The following UTP6 variants were observed in gnomAD, a reference collection of about 807,000 sequenced individuals.
UTP6 encodes the protein U3 small nucleolar RNA-associated protein 6 homolog.
UTP6 carries 60 observed loss-of-function variants against 96.5 expected under a neutral mutation model. The ratio of observed to expected loss-of-function variants is 0.62; its 90% confidence interval spans 0.51 to 0.77. The LOEUF is 0.77. UTP6 is among the 30% of genes least tolerant of loss of function. The probability of loss-of-function intolerance (pLI) is 0.00; values close to 1 mark genes in which losing one functional copy is unlikely to be tolerated. For synonymous variants in UTP6, 215 were observed against 240.1 expected (o/e 0.90, Z 0.96); for missense variants, 637 against 706.5 (o/e 0.90, Z 1.12).
chr17:31,899,091 C>A (rs78491030), intron 2 of UTP6, among the ~76,000 whole-genome samples: 3,664 of 152,142 alleles, frequency 0.024, 68 homozygotes, highest in Middle Eastern at 0.051. Flanking sequence ...CTTGTAATCC[C>A]AGCATTTTGG....
At chr17:31,896,170 C>T (rs1489253968) in intron 2 of UTP6, among the ~76,000 whole-genome samples, 2 of 151,736 alleles carry the variant, frequency 1.3e-5, no homozygotes, top group Admixed American at 6.6e-5. Flanking sequence ...CTCCGCCTCC[C>T]GGATTCAAGC....
At chr17:31,900,313 T>C (rs1484178093) in intron 1 of UTP6, among the ~76,000 whole-genome samples, 1 of 152,080 alleles carries the variant, frequency 6.6e-6, no homozygotes. Flanking sequence ...TTTTTGTTTG[T>C]TTTTTTCTCG....
chr17:31,870,157 T>A (rs989713099), intron 16 of UTP6, among the ~76,000 whole-genome samples: 2 of 152,192 alleles, frequency 1.3e-5, no homozygotes, highest in Non-Finnish European at 2.9e-5. Flanking sequence ...GTCTTTTTGG[T>A]AGAATTATTT....
Position 31,875,374 on chromosome 17 carries a change from G to C in UTP6, c.1165C>G (p.Leu389Val). 6.2e-7 allele frequency: 1 copy of C among 1,614,108 alleles called. No homozygotes were observed. Among genetic ancestry groups the C allele is most frequent in the Non-Finnish European group, 8.5e-7 (1 of 1,180,036 alleles). ...LLCYNFLREA[L>V]EVAVAGTELF... ...TCAGTTCCAGCTACTGCCACTTCCA[G>C]AGCTTCCCTCAGGAAGTTATAACAC... The change falls in exon 14 of 19, where the codon CTG (leucine) becomes GTG (valine). Residue 389 changes from leucine (L) to valine (V), a missense_variant. By Grantham distance (32) the Leu-to-Val change is conservative. Transcript: ENST00000261708.
chr17:31,876,632 G>A (rs1248857167), intron 13 of UTP6, among the ~76,000 whole-genome samples: 3 of 151,144 alleles, frequency 2.0e-5, no homozygotes, highest in Admixed American at 1.3e-4. Flanking sequence ...CAACAAGAGC[G>A]AAACTCCGTC....
intron 8 of UTP6, 125 bp from the exon 9 acceptor site, chr17:31,886,186 GGGCCA>G: frequency 1.4e-6 from 1 of 710,480 alleles, no homozygotes; most frequent in African/African-American, 1.8e-5. Flanking sequence ...CTCTCTCTCC[GGGCCA>G]GTTCCCTCAC....
intron 4 of UTP6, 29 bp downstream of exon 4, chr17:31,894,616 A>G: frequency 1.3e-6 from 2 of 1,496,412 alleles, no homozygotes; most frequent in Non-Finnish European, 1.8e-6. Context: ...TTCACATCTC[A>G]TAAAGTTAAG....
chr17:31,876,504 C>T (rs561724442), intron 13 of UTP6, among the ~76,000 whole-genome samples: 201 of 150,834 alleles, frequency 1.3e-3, no homozygotes, highest in Middle Eastern at 6.8e-3. Context: ...ATTAGCCAGG[C>T]GTGGTGGTGC....
intron 11 of UTP6, among the ~76,000 whole-genome samples, chr17:31,879,753 C>A (rs1412273694): frequency 6.6e-6 from 1 of 152,006 alleles, no homozygotes; most frequent in Non-Finnish European, 1.5e-5. Context: ...AATAGATGAA[C>A]ATAAATACCA....
In UTP6 at chr17:31,892,932, T is replaced by G. The variant is rs1904410298; in HGVS notation, c.313-138A>C. 4 of 985,312 alleles carry G rather than the reference T, an allele frequency of 4.1e-6. No homozygotes were observed. In the African/African-American group the frequency reaches 4.9e-5, roughly 12 times the overall value. 61.0% of individuals were successfully genotyped at this position (985,312 alleles called of 1,614,324 possible). On this transcript the variant is annotated intron_variant, in intron 4 of 18. Coordinates refer to ENST00000261708, the MANE Select transcript of UTP6 (RefSeq NM_018428.3). ...TCACACCTGTAATCCCACCACTTTG[T>G]GAAGCCGAAGCGGGCGGATCACTTG...
At chr17:31,896,563 A>G (rs1904659547) in intron 2 of UTP6, among the ~76,000 whole-genome samples, 1 of 151,936 alleles carries the variant, frequency 6.6e-6, no homozygotes, top group Non-Finnish European at 1.5e-5. Flanking sequence ...TGTAGTTCTA[A>G]TTATGTGTTG....
intron 17 of UTP6, among the ~76,000 whole-genome samples, chr17:31,866,187 T>C (rs1909802252): frequency 6.7e-6 from 1 of 148,156 alleles, no homozygotes. Context: ...CTCAGGAGGC[T>C]GAGGCAGGAG....
At chr17:31,884,002 A>T (rs1253071829) in intron 10 of UTP6, among the ~76,000 whole-genome samples, 9 of 140,328 alleles carry the variant, frequency 6.4e-5, no homozygotes, top group Non-Finnish European at 1.1e-4. Flanking sequence ...TATGATATTA[A>T]TTTTTTTTTT....
Position 31,878,276 on chromosome 17 carries a change from G to A in UTP6, c.1099C>T (p.Leu367=), listed in dbSNP as rs1384625109. 1.2e-6 allele frequency: 2 copies of A among 1,614,056 alleles called. No individual in the cohort carries two copies. The highest frequency in any genetic ancestry group is 2.7e-5 in the African/African-American group (2 of 74,934). ...AACTGCTTGTATTGGCATTCTGACA[G>A]AAGCTTCAGTTCATGTGCCTTCCTG... ...VFRKAHELKL[L]SECQYKQLSV... Residue 367 remains leucine, a synonymous_variant, in exon 13 of 19, where the codon CTG becomes TTG. Coordinates refer to ENST00000261708, the MANE Select transcript of UTP6 (RefSeq NM_018428.3).
intron 11 of UTP6, among the ~76,000 whole-genome samples, chr17:31,879,489 G>C (rs1040958062): frequency 6.6e-6 from 1 of 151,932 alleles, no homozygotes; most frequent in Non-Finnish European, 1.5e-5. Context: ...GGGCAACATG[G>C]CAAAACTCCA....
chr17:31,884,111 G>C (rs772788038), intron 10 of UTP6, among the ~76,000 whole-genome samples: 2 of 149,970 alleles, frequency 1.3e-5, no homozygotes, highest in African/African-American at 4.9e-5. Flanking sequence ...CGAGTCTCCT[G>C]GCTCAGCCTC....
At chr17:31,895,296 CA>C (rs1021693254) in intron 2 of UTP6, among the ~76,000 whole-genome samples, 71 of 152,142 alleles carry the variant, frequency 4.7e-4, no homozygotes, top group African/African-American at 1.5e-3. Flanking sequence ...GCAGCTACAC[CA>C]AACCTACATT....
chr17:31,884,310 T>C, intron 10 of UTP6, 114 bp downstream of exon 10: 1 of 847,702 alleles, frequency 1.2e-6, no homozygotes, highest in South Asian at 2.1e-5. Flanking sequence ...TATTAGCTTT[T>C]ATTCCAGGGA....
intron 18 of UTP6, among the ~76,000 whole-genome samples, chr17:31,863,921 G>A (rs1909670675): frequency 6.6e-6 from 1 of 152,002 alleles, no homozygotes; most frequent in African/African-American, 2.4e-5. Context: ...GGCTAGTCTT[G>A]AACTCCTGGG....
Sources: allele counts gnomAD v4.1 joint callset (sites outside exome capture counted in the v4.1 genomes callset), GRCh38; gene constraint gnomAD v4.1.1; transcripts MANE v1.5; gene names NCBI Gene and HGNC (gene_info 2026-07-23, HGNC 2026-07-21).